HECW1: variants seen among roughly 807,000 people sequenced by gnomAD.
HECW1 encodes HECT, C2 and WW domain containing E3 ubiquitin protein ligase 1, also known as E3 ubiquitin-protein ligase HECW1.
Under a neutral mutation model 182.3 loss-of-function variants are expected in HECW1, and 61 were observed. That is an observed-to-expected ratio of 0.33 (90% CI 0.27 to 0.41). The LOEUF is 0.41. Among genes scored for constraint, HECW1 ranks in the 10% least tolerant of loss-of-function variants. The pLI is 1.00. For synonymous variants in HECW1, 859 were observed against 832.6 expected (o/e 1.03, Z -0.55); for missense variants, 1,739 against 2,108.9 (o/e 0.82, Z 3.44).
intron 4 of HECW1, among the ~76,000 whole-genome samples, chr7:43,314,077 A>T (rs1475739692): frequency 2.6e-5 from 4 of 152,092 alleles, no homozygotes; most frequent in African/African-American, 9.7e-5. Context: ...GCCTCCCAAA[A>T]TGCTGAGATT....
intron 5 of HECW1, among the ~76,000 whole-genome samples, chr7:43,333,551 AAG>A (rs1811760719): frequency 6.6e-6 from 1 of 152,218 alleles, no homozygotes; most frequent in African/African-American, 2.4e-5. Flanking sequence ...AACATTTTAG[AAG>A]AGTGTTTTAT....
intron 24 of HECW1, among the ~76,000 whole-genome samples, chr7:43,538,411 G>C (rs995431860): frequency 6.6e-6 from 1 of 152,182 alleles, no homozygotes; most frequent in African/African-American, 2.4e-5. Context: ...TAGCACAAGA[G>C]ATGTTGGTAG....
chr7:43,254,759 C>T (rs1020971476), intron 3 of HECW1, among the ~76,000 whole-genome samples: 47 of 151,628 alleles, frequency 3.1e-4, no homozygotes, highest in African/African-American at 8.8e-4. Flanking sequence ...CAGCACTGGT[C>T]GTAATGCCCA....
chr7:43,125,757 T>TTAA (rs751743641), intron 2 of HECW1, among the ~76,000 whole-genome samples: 5 of 86,540 alleles, frequency 5.8e-5, no homozygotes, highest in Admixed American at 1.7e-4. Context: ...GATTCTGTCT[T>TTAA]AAAAAAAAAA....
chr7:43,512,907 T>C (rs1479481207), intron 24 of HECW1, among the ~76,000 whole-genome samples: 2 of 152,206 alleles, frequency 1.3e-5, no homozygotes, highest in Non-Finnish European at 2.9e-5. Flanking sequence ...CAATTTTATC[T>C]TTTTTTGTTG....
At chr7:43,366,885 CCT>C (rs1423883296) in intron 6 of HECW1, among the ~76,000 whole-genome samples, 1 of 152,142 alleles carries the variant, frequency 6.6e-6, no homozygotes, top group Non-Finnish European at 1.5e-5. Flanking sequence ...GGACCCACCC[CCT>C]GAGATCCCGG....
At chr7:43,488,817 A>G (rs937658528) in intron 17 of HECW1, among the ~76,000 whole-genome samples, 8 of 152,094 alleles carry the variant, frequency 5.3e-5, no homozygotes, top group Non-Finnish European at 2.9e-5. Flanking sequence ...GTTTGCAGAC[A>G]TTTCTGTGGC....
At chr7:43,177,875 A>T (rs1355823369) in intron 2 of HECW1, among the ~76,000 whole-genome samples, 3 of 152,108 alleles carry the variant, frequency 2.0e-5, no homozygotes, top group Admixed American at 6.6e-5. Context: ...ACTCCCCTAC[A>T]GGAGGCACTG....
At chr7:43,130,954 A>G (rs1170052148) in intron 2 of HECW1, among the ~76,000 whole-genome samples, 1 of 152,122 alleles carries the variant, frequency 6.6e-6, no homozygotes, top group Admixed American at 6.5e-5. Flanking sequence ...GTGGCACTTT[A>G]CTGTATGTTT....
At chr7:43,416,586 A>G (rs983233082) in intron 8 of HECW1, among the ~76,000 whole-genome samples, 36 of 151,496 alleles carry the variant, frequency 2.4e-4, no homozygotes, top group African/African-American at 8.3e-4. Flanking sequence ...TGCTTTGTTT[A>G]CCTAAGCAAG....
chr7:43,242,413 A>G (rs1798973347), intron 2 of HECW1, among the ~76,000 whole-genome samples: 1 of 152,150 alleles, frequency 6.6e-6, no homozygotes, highest in South Asian at 2.1e-4. Context: ...AAAAGGATGA[A>G]GAAAGAGGAC....
chr7:43,301,118 C>G (rs549858835), intron 3 of HECW1, among the ~76,000 whole-genome samples: 1 of 152,304 alleles, frequency 6.6e-6, no homozygotes, highest in Admixed American at 6.5e-5. Flanking sequence ...GCCCCCCACT[C>G]TCCAATGGAG....
intron 2 of HECW1, among the ~76,000 whole-genome samples, chr7:43,208,263 C>A (rs71540510): frequency 2.5e-3 from 379 of 152,296 alleles, no homozygotes; most frequent in Non-Finnish European, 4.0e-3. Context: ...ATTGATTTCT[C>A]TATTTCAATG....
chr7:43,321,924 G>A lies in HECW1; in HGVS notation c.460+1182G>A, dbSNP rs113758552. ...CCCGCTCCCGGCAATGACACCAATA[G>A]CTCTTTCTTGTGTTGGCTCATGCAG... On this transcript the variant is annotated intron_variant, in intron 5 of 29. Transcript: ENST00000395891. Among the ~76,000 whole-genome samples, 46 of 152,328 alleles carry A rather than the reference G, an allele frequency of 3.0e-4. 2 individuals are homozygous for A. Among genetic ancestry groups the A allele is most frequent in the African/African-American group, 1.0e-3 (42 of 41,584 alleles).
intron 8 of HECW1, among the ~76,000 whole-genome samples, chr7:43,419,095 C>T (rs563564944): frequency 7.9e-5 from 12 of 152,280 alleles, no homozygotes; most frequent in Admixed American, 1.3e-4. Flanking sequence ...TTCTATACAT[C>T]GTTTGGGGCT....
At chr7:43,486,236 A>G (rs1315295657) in intron 17 of HECW1, among the ~76,000 whole-genome samples, 2 of 151,632 alleles carry the variant, frequency 1.3e-5, no homozygotes, top group Admixed American at 1.3e-4. Context: ...CATGGTGTAT[A>G]TGTGCCACAT....
rs115679404 is a variant in HECW1 at position 43,390,447 on chromosome 7, G to A, written c.556-6367G>A. Among the ~76,000 whole-genome samples the A allele has an allele frequency of 4.7e-3, 715 of 151,710 alleles. 5 individuals carry two copies. The highest frequency in any genetic ancestry group is 0.02 in the East Asian group (101 of 5,152). On this transcript the variant is annotated intron_variant, in intron 6 of 29. Transcript: ENST00000395891. ...TCCCAGCTACCCAGGAGTCTGAGGT[G>A]GGAGGACCACTTGAGTCTAGGAAGT...
Position 43,209,652 on chromosome 7 carries a change from T to C in HECW1, c.-31-34223T>C, listed in dbSNP as rs137963474. Among the ~76,000 whole-genome samples, 152 of 152,268 alleles carry C rather than the reference T, an allele frequency of 1.0e-3. 2 individuals carry two copies. In the East Asian group the frequency reaches 0.021, roughly 21 times the overall value. On this transcript the variant is annotated intron_variant, in intron 2 of 29. Coordinates refer to ENST00000395891, the MANE Select transcript of HECW1 (RefSeq NM_015052.5). ...CAGCCAGGCTACAACTGGGTAAGAT[T>C]TGATGGAGACGTACAGATGCGAAGC...
intron 3 of HECW1, among the ~76,000 whole-genome samples, chr7:43,301,959 C>T (rs1267559989): frequency 6.6e-6 from 1 of 151,918 alleles, no homozygotes; most frequent in Non-Finnish European, 1.5e-5. Context: ...GGTCAAACCA[C>T]CCAGGGGATA....
Sources: gnomAD v4.1 joint callset for allele counts (sites outside exome capture counted in the v4.1 genomes callset) on GRCh38, gnomAD v4.1.1 for gene constraint, MANE v1.5 for transcripts, NCBI Gene and HGNC (gene_info 2026-07-23, HGNC 2026-07-21) for gene names.